The following SLC35F3 variants were observed in gnomAD, a reference collection of about 807,000 sequenced individuals.
The protein encoded by SLC35F3 is putative thiamine transporter SLC35F3.
Under a neutral mutation model 49.9 loss-of-function variants are expected in SLC35F3, and 25 were observed. That is an observed-to-expected ratio of 0.50 (90% CI 0.37 to 0.70). The LOEUF is 0.70. Among genes scored for constraint, SLC35F3 ranks in the 30% least tolerant of loss-of-function variants. The pLI is 0.00. For missense variants in SLC35F3, 525 were observed against 639.8 expected (o/e 0.82, Z 1.94); for synonymous variants, 275 against 265.4 (o/e 1.04, Z -0.35).
rs527411708 is a variant in SLC35F3 at position 234,268,247 on chromosome 1, G to T, written c.608+36506G>T. 6.6e-4 allele frequency among the ~76,000 whole-genome samples: 101 copies of T among 152,340 alleles called. 1 individual carries two copies. Among genetic ancestry groups the T allele is most frequent in the Middle Eastern group, 6.8e-3 (2 of 294 alleles). On this transcript the variant is annotated intron_variant, in intron 3 of 7. Transcript: ENST00000366618. ...GCTGGCGGATCACTCGCGATTAGGA[G>T]CTGGAGACCAGCCCGGCCAACACAG...
intron 2 of SLC35F3, among the ~76,000 whole-genome samples, chr1:234,074,098 C>T (rs1209189154): frequency 3.3e-5 from 5 of 152,158 alleles, no homozygotes; most frequent in Admixed American, 2.6e-4. Context: ...TCTTGTCTCA[C>T]GGTCTGAAAA....
At chr1:234,173,443 G>A (rs1189212675) in intron 2 of SLC35F3, among the ~76,000 whole-genome samples, 1 of 152,188 alleles carries the variant, frequency 6.6e-6, no homozygotes, top group East Asian at 1.9e-4. Flanking sequence ...CATAATTCGA[G>A]CTAGGCAGCC....
At chr1:234,267,430 GC>G (rs1393728287) in intron 3 of SLC35F3, among the ~76,000 whole-genome samples, 6 of 145,422 alleles carry the variant, frequency 4.1e-5, no homozygotes, top group Non-Finnish European at 9.0e-5. Context: ...GGGCAGAGGG[GC>G]TCCTCACTTC....
At chr1:234,110,876 G>A (rs577347178) in intron 2 of SLC35F3, among the ~76,000 whole-genome samples, 1 of 152,164 alleles carries the variant, frequency 6.6e-6, no homozygotes, top group East Asian at 1.9e-4. Flanking sequence ...CAAATAGGAT[G>A]TCAAGTAAGT....
At chr1:234,095,347 A>G (rs1179720284) in intron 2 of SLC35F3, among the ~76,000 whole-genome samples, 1 of 152,116 alleles carries the variant, frequency 6.6e-6, no homozygotes, top group African/African-American at 2.4e-5. Context: ...AGAGGGGCTC[A>G]GGGAGCTGGA....
chr1:234,039,808 G>T (rs765589512), intron 2 of SLC35F3, among the ~76,000 whole-genome samples: 3 of 152,178 alleles, frequency 2.0e-5, no homozygotes, highest in African/African-American at 7.2e-5. Flanking sequence ...CTCCATGCAC[G>T]CCCCGCGGCA....
intron 2 of SLC35F3, among the ~76,000 whole-genome samples, chr1:234,082,245 A>T (rs1472392423): frequency 2.0e-5 from 3 of 152,182 alleles, no homozygotes; most frequent in African/African-American, 7.2e-5. Flanking sequence ...TTTCCTCTGT[A>T]ATTTTATAAA....
chr1:234,240,630 A>AT (rs1224033058), intron 3 of SLC35F3, among the ~76,000 whole-genome samples: 9 of 152,060 alleles, frequency 5.9e-5, no homozygotes, highest in Non-Finnish European at 1.2e-4. Context: ...AAAGCCAAAT[A>AT]TGTATATATA....
chr1:234,191,787 A>C (rs1312121073), intron 2 of SLC35F3, among the ~76,000 whole-genome samples: 3 of 152,206 alleles, frequency 2.0e-5, no homozygotes, highest in Non-Finnish European at 4.4e-5. Context: ...CCAACGCCAC[A>C]GAAATACAAA....
intron 3 of SLC35F3, among the ~76,000 whole-genome samples, chr1:234,267,652 T>A (rs866203878): frequency 6.6e-6 from 1 of 151,078 alleles, no homozygotes; most frequent in African/African-American, 2.4e-5. Flanking sequence ...CCCACCTCCC[T>A]CCCGGACGGG....
In SLC35F3 at chr1:234,323,301, A is replaced by G; in HGVS notation, c.*58A>G. The stretch of plus-strand genomic sequence containing the variant: ...GGGAGGTCTATTCCTGCCGGGAGGA[A>G]CCTCAGTTGGGTAAGGTGTACATAC... On this transcript the variant is annotated 3_prime_UTR_variant, in exon 8 of 8. Coordinates refer to ENST00000366618, the MANE Select transcript of SLC35F3 (RefSeq NM_173508.4). The surrounding 1 kb of genome is among the most constrained non-coding windows in gnomAD (Gnocchi z 4.5). 1 of 1,494,124 alleles carries G rather than the reference A, an allele frequency of 6.7e-7. No homozygotes were observed. Among genetic ancestry groups the G allele is most frequent in the Non-Finnish European group, 9.2e-7 (1 of 1,090,614 alleles). 92.6% of individuals were successfully genotyped at this position (1,494,124 alleles called of 1,614,324 possible).
At chr1:233,970,898 AG>A (rs1482903361) in intron 2 of SLC35F3, among the ~76,000 whole-genome samples, 1 of 152,206 alleles carries the variant, frequency 6.6e-6, no homozygotes, top group Non-Finnish European at 1.5e-5. Context: ...AGTCCTAGCA[AG>A]CTAATAAGGA....
intron 2 of SLC35F3, among the ~76,000 whole-genome samples, chr1:234,121,723 C>A (rs1048049958): frequency 6.6e-6 from 1 of 152,116 alleles, no homozygotes; most frequent in South Asian, 2.1e-4. Context: ...ATCCTCCCAC[C>A]CCCTGACAGG....
At chr1:233,945,659 G>A (rs1256476668) in intron 2 of SLC35F3, among the ~76,000 whole-genome samples, 1 of 152,194 alleles carries the variant, frequency 6.6e-6, no homozygotes, top group African/African-American at 2.4e-5. Flanking sequence ...AGAGCCAGGT[G>A]GAGATAATTG....
intron 3 of SLC35F3, among the ~76,000 whole-genome samples, chr1:234,277,334 C>T (rs72761908): frequency 0.2 from 29,826 of 152,066 alleles, 3,114 homozygotes; most frequent in Admixed American, 0.21. Context: ...GCTGCTGGAC[C>T]GCACTTGTCA....
intron 2 of SLC35F3, among the ~76,000 whole-genome samples, chr1:234,051,324 G>C (rs1025240617): frequency 9.9e-5 from 15 of 152,114 alleles, no homozygotes; most frequent in Non-Finnish European, 2.1e-4. Context: ...TTGAGCAGTG[G>C]TTTGTAGTTC....
chr1:234,029,867 A>G (rs1664032724), intron 2 of SLC35F3, among the ~76,000 whole-genome samples: 1 of 152,144 alleles, frequency 6.6e-6, no homozygotes, highest in Non-Finnish European at 1.5e-5. Flanking sequence ...GTCTCAAATA[A>G]TAATAATAAT....
chr1:234,132,711 G>A (rs1268581135), intron 2 of SLC35F3, among the ~76,000 whole-genome samples: 3 of 152,084 alleles, frequency 2.0e-5, no homozygotes, highest in African/African-American at 7.2e-5. Flanking sequence ...TTGTTGAAAT[G>A]TTAGATCTCT....
At chr1:234,108,520 ATTAT>A (rs1255268574) in intron 2 of SLC35F3, among the ~76,000 whole-genome samples, 19 of 110,746 alleles carry the variant, frequency 1.7e-4, no homozygotes, top group African/African-American at 5.6e-4. Flanking sequence ...AATGATATAT[ATTAT>A]TTATATATAA....
Sources: allele counts gnomAD v4.1 joint callset (sites outside exome capture counted in the v4.1 genomes callset), GRCh38; gene constraint gnomAD v4.1.1; non-coding constraint Gnocchi (gnomAD v3.1); transcripts MANE v1.5; gene names NCBI Gene and HGNC (gene_info 2026-07-23, HGNC 2026-07-21).